The following CSMD2 variants were observed in gnomAD, a reference collection of about 807,000 sequenced individuals.
The protein encoded by CSMD2 is CUB and Sushi multiple domains 2.
A neutral mutation model predicts 398.5 loss-of-function variants in CSMD2; 130 were observed. The ratio of observed to expected loss-of-function variants is 0.33; its 90% confidence interval spans 0.28 to 0.38. The LOEUF (loss-of-function observed/expected upper bound fraction) is 0.38. Among genes scored for constraint, CSMD2 ranks in the 10% least tolerant of loss-of-function variants. The pLI is 1.00. For synonymous variants in CSMD2, 1,828 were observed against 1,908.5 expected (o/e 0.96, Z 1.10); for missense variants, 3,829 against 4,764.9 (o/e 0.80, Z 5.78).
chr1:33,814,904 C>T (rs974141432), intron 9 of CSMD2, among the ~76,000 whole-genome samples: 11 of 152,114 alleles, frequency 7.2e-5, no homozygotes, highest in African/African-American at 7.2e-5. Flanking sequence ...TATTGATCCT[C>T]GCCTGACCCC....
At chr1:33,819,436 G>A (rs2124993254) in intron 9 of CSMD2, among the ~76,000 whole-genome samples, 1 of 152,328 alleles carries the variant, frequency 6.6e-6, no homozygotes, top group African/African-American at 2.4e-5. Flanking sequence ...GTAGCAAGCT[G>A]TTTCTTACGT....
At chr1:34,018,190 A>G (rs1648399059) in intron 3 of CSMD2, among the ~76,000 whole-genome samples, 1 of 152,208 alleles carries the variant, frequency 6.6e-6, no homozygotes. Flanking sequence ...AGAAAATAAT[A>G]TCATAAACAT....
At chr1:34,092,395 G>C (rs1025251738) in intron 1 of CSMD2, among the ~76,000 whole-genome samples, 2 of 152,170 alleles carry the variant, frequency 1.3e-5, no homozygotes, top group African/African-American at 2.4e-5. Context: ...TAGATTGTCG[G>C]GGGGAGGAGC....
At position 33,515,314 on chromosome 1, in the gene CSMD2, G is replaced by C. The variant is rs1430499012; in HGVS notation, c.*1310C>G. 1 of 152,272 alleles carries C rather than the reference G, an allele frequency of 6.6e-6. No homozygotes were observed. The highest frequency in any genetic ancestry group is 1.5e-5 in the Non-Finnish European group (1 of 68,070). 9.4% of individuals were successfully genotyped at this position (152,272 alleles called of 1,614,324 possible). On this transcript the variant is annotated 3_prime_UTR_variant, in exon 71 of 71. Coordinates refer to ENST00000373381, the MANE Select transcript of CSMD2 (RefSeq NM_001281956.2). ...CCAACCGTGGGAGGCCTGGGGAGTT[G>C]AATCCTTGCCCCGAAGCTGCCTACG...
chr1:33,523,913 C>T (rs1386682770), intron 66 of CSMD2, among the ~76,000 whole-genome samples: 2 of 152,190 alleles, frequency 1.3e-5, no homozygotes, highest in Non-Finnish European at 2.9e-5. Context: ...TTCACTCACA[C>T]ATTTGCTTAT....
In CSMD2 at chr1:33,929,632, T is replaced by G. The variant is rs549272325; in HGVS notation, c.712+6128A>C. Among the ~76,000 whole-genome samples the G allele has an allele frequency of 2.6e-5, 4 of 152,102 alleles. No homozygotes were observed. The South Asian group carries it at 8.3e-4, about 32-fold the overall frequency. The stretch of plus-strand genomic sequence containing the variant: ...TTTGTATTTTTAGTAGAGATGGAGT[T>G]TCACCATGTTGGTCAGGCTGGTCTC... On this transcript the variant is annotated intron_variant, in intron 4 of 70. Coordinates refer to ENST00000373381, the MANE Select transcript of CSMD2 (RefSeq NM_001281956.2).
At chr1:33,541,456 C>T (rs1046075417) in intron 58 of CSMD2, 147 bp from the exon 59 acceptor site, 3 of 656,974 alleles carry the variant, frequency 4.6e-6, no homozygotes, top group Non-Finnish European at 7.9e-6. Flanking sequence ...CCCAGTTGGA[C>T]ATTACCCATT....
At chr1:33,811,361 G>A (rs763756532) in intron 9 of CSMD2, among the ~76,000 whole-genome samples, 2 of 152,078 alleles carry the variant, frequency 1.3e-5, no homozygotes, top group Non-Finnish European at 2.9e-5. Flanking sequence ...CTCATTCCAG[G>A]TTCTGCCTGC....
At chr1:33,600,592 A>G in intron 44 of CSMD2, 1 of 547,278 alleles carries the variant, frequency 1.8e-6, no homozygotes. Context: ...AGTTGATGTG[A>G]ATGAGTGGAC....
rs956846481 is a variant in CSMD2, at chr1:33,515,928, T to C, written c.*696A>G. ...GGGTTTAGAACTCAATAAAACAGTG[T>C]TTGAAAAAAATAAAGAAACTGATTT... On this transcript the variant is annotated 3_prime_UTR_variant, in exon 71 of 71. Coordinates refer to ENST00000373381, the MANE Select transcript of CSMD2 (RefSeq NM_001281956.2). 2.0e-5 allele frequency: 3 copies of C among 152,118 alleles called. No individual in the cohort carries two copies. Among genetic ancestry groups the C allele is most frequent in the Admixed American group, 2.0e-4 (3 of 15,276 alleles). 9.4% of individuals were successfully genotyped at this position (152,118 alleles called of 1,614,324 possible). A position where few individuals can be genotyped will look rare whatever the true frequency, so the allele number is the denominator to read the frequency against.
intron 3 of CSMD2, among the ~76,000 whole-genome samples, chr1:34,004,551 A>T (rs1028769191): frequency 1.3e-5 from 2 of 152,144 alleles, no homozygotes; most frequent in African/African-American, 4.8e-5. Context: ...CAATAATAAC[A>T]TGTGTCGTCA....
intron 3 of CSMD2, among the ~76,000 whole-genome samples, chr1:33,968,644 C>T (rs1348585351): frequency 2.0e-5 from 3 of 152,182 alleles, no homozygotes; most frequent in Non-Finnish European, 4.4e-5. Flanking sequence ...ACCTGTCAGA[C>T]ACCTGAATGA....
At chr1:34,008,838 C>T (rs910092039) in intron 3 of CSMD2, among the ~76,000 whole-genome samples, 1 of 152,170 alleles carries the variant, frequency 6.6e-6, no homozygotes, top group Non-Finnish European at 1.5e-5. Context: ...CTCTCAAGTG[C>T]TTTGCATACA....
intron 22 of CSMD2, among the ~76,000 whole-genome samples, chr1:33,704,830 T>G: frequency 6.6e-6 from 1 of 152,150 alleles, no homozygotes; most frequent in East Asian, 1.9e-4. Flanking sequence ...GGCTGCAATC[T>G]TGGCTCACTG....
chr1:33,542,410 G>A (rs1159054064), intron 58 of CSMD2, among the ~76,000 whole-genome samples: 1 of 152,202 alleles, frequency 6.6e-6, no homozygotes. Context: ...CCTGAGAAAT[G>A]GCCAACATAT....
At chr1:33,603,072 A>T (rs972190781) in intron 42 of CSMD2, among the ~76,000 whole-genome samples, 3 of 152,058 alleles carry the variant, frequency 2.0e-5, no homozygotes, top group Non-Finnish European at 4.4e-5. Context: ...AGATAGTCTT[A>T]GATAAGTAGT....
chr1:33,874,240 G>A (rs1640676617), intron 5 of CSMD2, among the ~76,000 whole-genome samples: 1 of 152,176 alleles, frequency 6.6e-6, no homozygotes, highest in Non-Finnish European at 1.5e-5. Context: ...CATCATACCT[G>A]GTAAGAAATA....
intron 51 of CSMD2, among the ~76,000 whole-genome samples, chr1:33,570,605 C>T (rs1367897872): frequency 6.6e-6 from 1 of 152,160 alleles, no homozygotes; most frequent in Non-Finnish European, 1.5e-5. Context: ...GAGCATATCC[C>T]TATCGTAGTG....
At chr1:33,787,775 T>G (rs1425597116) in intron 12 of CSMD2, among the ~76,000 whole-genome samples, 1 of 152,122 alleles carries the variant, frequency 6.6e-6, no homozygotes, top group East Asian at 1.9e-4. Context: ...AAAGGGGGTT[T>G]GGAAGTGGTC....
Sources: gnomAD v4.1 joint callset for allele counts (sites outside exome capture counted in the v4.1 genomes callset) on GRCh38, gnomAD v4.1.1 for gene constraint, MANE v1.5 for transcripts, NCBI Gene and HGNC (gene_info 2026-07-23, HGNC 2026-07-21) for gene names.